The following NOL10 variants were observed in gnomAD, a reference collection of about 807,000 sequenced individuals.
NOL10 encodes the protein H_NH0074G24.1.
NOL10 carries 58 observed loss-of-function variants against 103.5 expected under a neutral mutation model. The observed-to-expected ratio is 0.56, with a 90% confidence interval of 0.45 to 0.70. The LOEUF (loss-of-function observed/expected upper bound fraction) is 0.70, where lower values mean the gene tolerates loss of function less well. NOL10 is among the 30% of genes least tolerant of loss of function. The pLI is 0.00. For missense variants in NOL10, 763 were observed against 807.3 expected (o/e 0.95, Z 0.67); for synonymous variants, 287 against 282.5 (o/e 1.02, Z -0.16).
chr2:10,599,952 C>T (rs1438472339), intron 17 of NOL10, among the ~76,000 whole-genome samples: 2 of 151,972 alleles, frequency 1.3e-5, no homozygotes, highest in African/African-American at 2.4e-5. Context: ...AAGGAGCTCA[C>T]CCATCTTAGA....
chr2:10,580,351 C>A (rs1239692694), intron 19 of NOL10, among the ~76,000 whole-genome samples: 1 of 151,726 alleles, frequency 6.6e-6, no homozygotes, highest in African/African-American at 2.4e-5. Flanking sequence ...CTTTCCCTCC[C>A]CCTCCTCTCC....
chr2:10,638,733 C>T (rs1188369616), intron 13 of NOL10, among the ~76,000 whole-genome samples: 12 of 149,914 alleles, frequency 8.0e-5, no homozygotes, highest in Non-Finnish European at 1.3e-4. Flanking sequence ...ACTCGTGATC[C>T]GCCCGCCTTG....
At chr2:10,575,698 G>A (rs1410277196) in intron 20 of NOL10, among the ~76,000 whole-genome samples, 1 of 152,156 alleles carries the variant, frequency 6.6e-6, no homozygotes, top group Non-Finnish European at 1.5e-5. Context: ...TTACTGCAAG[G>A]TAGGTGCTCA....
chr2:10,623,511 G>C (rs1355990174), intron 13 of NOL10, among the ~76,000 whole-genome samples: 15 of 152,164 alleles, frequency 9.9e-5, no homozygotes, highest in Admixed American at 9.8e-4. Context: ...GTAAGATCCT[G>C]TATACCAAAG....
intron 4 of NOL10, 35 bp downstream of exon 4, chr2:10,675,759 C>A: frequency 8.1e-7 from 1 of 1,238,784 alleles, no homozygotes; most frequent in East Asian, 2.5e-5. Context: ...CATAAAAAGC[C>A]ATTTTCATGA....
chr2:10,587,126 TATAC>T lies in NOL10; in HGVS notation c.1844+1913_1844+1916del, dbSNP rs1172993998. Among the ~76,000 whole-genome samples the T allele has an allele frequency of 1.5e-4, 8 of 51,746 alleles. 2 individuals carry two copies. The highest frequency in any genetic ancestry group is 2.2e-4 in the Admixed American group (1 of 4,456). The allele number at this position is 51,746 out of a possible 152,430, so 33.9% of individuals were successfully genotyped here. On this transcript the variant is annotated intron_variant, in intron 19 of 20. Transcript: ENST00000381685. ...ATATATATACATATATATACATATA[TATAC>T]ATATATACACATATATATACATATA...
At position 10,611,037 on chromosome 2, in the gene NOL10, A is replaced by G. The variant is rs191041990; in HGVS notation, c.1027-3726T>C. On this transcript the variant is annotated intron_variant, in intron 13 of 20. Coordinates refer to ENST00000381685, the MANE Select transcript of NOL10 (RefSeq NM_024894.4). Reference sequence around the variant, plus strand: ...CTGTGTTGCCTAGGCTGGTCTTGAAACTCTTGAGAGCCTCCAGAATAGACA... The same window carrying G: ...CTGTGTTGCCTAGGCTGGTCTTGAAGCTCTTGAGAGCCTCCAGAATAGACA... Among the ~76,000 whole-genome samples, 326 of 151,614 alleles carry G rather than the reference A, an allele frequency of 2.2e-3. 2 individuals carry two copies. Among genetic ancestry groups the G allele is most frequent in the African/African-American group, 7.6e-3 (315 of 41,314 alleles).
intron 13 of NOL10, among the ~76,000 whole-genome samples, chr2:10,617,706 G>C (rs1378330899): frequency 6.6e-6 from 1 of 152,050 alleles, no homozygotes; most frequent in Admixed American, 6.6e-5. Flanking sequence ...AGTAAAAACT[G>C]GATAATGACA....
intron 19 of NOL10, among the ~76,000 whole-genome samples, chr2:10,583,698 C>T (rs532393442): frequency 6.6e-6 from 1 of 152,304 alleles, no homozygotes; most frequent in African/African-American, 2.4e-5. Flanking sequence ...TTTTCTTTCT[C>T]ACTCTTAGTC....
At chr2:10,682,134 A>G (rs575598682) in intron 2 of NOL10, 65 bp from the exon 3 acceptor site, 3 of 637,598 alleles carry the variant, frequency 4.7e-6, no homozygotes, top group Non-Finnish European at 7.4e-6. Context: ...ATAAGAAGAC[A>G]AATGGGTACC....
At chr2:10,659,352 G>A (rs80199578) in intron 9 of NOL10, 102 bp from the exon 10 acceptor site, 7 of 395,068 alleles carry the variant, frequency 1.8e-5, no homozygotes, top group African/African-American at 1.1e-4. Flanking sequence ...GGGGGGGGGG[G>A]GGAGGAATCA....
intron 19 of NOL10, among the ~76,000 whole-genome samples, chr2:10,582,737 T>A (rs543145273): frequency 2.6e-5 from 4 of 152,328 alleles, no homozygotes; most frequent in Admixed American, 1.3e-4. Flanking sequence ...GCCACCCAGT[T>A]CCTTACCAGA....
In NOL10 at chr2:10,676,611, A is replaced by C. The variant is rs142477160; in HGVS notation, c.212-740T>G. ...ATATAATACGATCCCAATTTTGTAC[A>C]ATGAAATGGTAACTTTGGCACTTTG... On this transcript the variant is annotated intron_variant, in intron 3 of 20. Coordinates refer to ENST00000381685, the MANE Select transcript of NOL10 (RefSeq NM_024894.4). Among the ~76,000 whole-genome samples, 1,270 of 151,962 alleles carry C rather than the reference A, an allele frequency of 8.4e-3. 5 individuals carry two copies. Among genetic ancestry groups the C allele is most frequent in the Non-Finnish European group, 0.014 (954 of 67,954 alleles).
chr2:10,663,064 T>C lies in NOL10; in HGVS notation c.592-20A>G. On this transcript the variant is annotated intron_variant, in intron 8 of 20. Transcript: ENST00000381685. ...TCTACCCTATGCAAATGAAAAACAA[T>C]TTTAAATAAAAGCTGTAGAAGGCGG... 6.2e-7 allele frequency: 1 copy of C among 1,606,416 alleles called. No individual in the cohort carries two copies. The highest frequency in any genetic ancestry group is 1.3e-5 in the African/African-American group (1 of 74,906).
intron 13 of NOL10, among the ~76,000 whole-genome samples, chr2:10,642,509 T>C (rs1678765544): frequency 6.6e-6 from 1 of 152,098 alleles, no homozygotes; most frequent in Non-Finnish European, 1.5e-5. Context: ...CAGGACTCCC[T>C]GCCCTACATC....
intron 20 of NOL10, among the ~76,000 whole-genome samples, 157 bp downstream of exon 20, chr2:10,577,479 G>C (rs1674513328): frequency 6.6e-6 from 1 of 152,192 alleles, no homozygotes; most frequent in Non-Finnish European, 1.5e-5. Context: ...TGGCCCACCA[G>C]GGGCTCTGGT....
intron 12 of NOL10, among the ~76,000 whole-genome samples, chr2:10,647,911 T>C (rs1477907576): frequency 6.6e-6 from 1 of 152,228 alleles, no homozygotes; most frequent in Non-Finnish European, 1.5e-5. Context: ...TGGATCTTTC[T>C]TGAGCCCAGT....
At chr2:10,597,070 A>C (rs1168104608) in intron 17 of NOL10, among the ~76,000 whole-genome samples, 1 of 152,124 alleles carries the variant, frequency 6.6e-6, no homozygotes, top group Non-Finnish European at 1.5e-5. Context: ...CCTGGGCTCA[A>C]GTAATCTTCC....
Position 10,618,661 on chromosome 2 carries a change from T to G in NOL10, c.1027-11350A>C, listed in dbSNP as rs528642868. 1.2e-4 allele frequency among the ~76,000 whole-genome samples: 19 copies of G among 152,270 alleles called. No individual in the cohort carries two copies. The South Asian group carries it at 3.5e-3, about 28-fold the overall frequency. ...CCAGTTAAGGTTTGTCTGGGGACTA[T>G]TTGCCAGGAGCTACCCTGGCTTAGG... On this transcript the variant is annotated intron_variant, in intron 13 of 20. Coordinates refer to ENST00000381685, the MANE Select transcript of NOL10 (RefSeq NM_024894.4).
Sources: gnomAD v4.1 joint callset for allele counts (sites outside exome capture counted in the v4.1 genomes callset) on GRCh38, gnomAD v4.1.1 for gene constraint, MANE v1.5 for transcripts, NCBI Gene and HGNC (gene_info 2026-07-23, HGNC 2026-07-21) for gene names.